SNCAIP: variants seen among roughly 807,000 people sequenced by gnomAD.
SNCAIP encodes the protein synuclein alpha interacting protein.
A neutral mutation model predicts 86.7 loss-of-function variants in SNCAIP; 43 were observed. The ratio of observed to expected loss-of-function variants is 0.50; its 90% CI spans 0.39 to 0.64. The LOEUF is 0.64. SNCAIP is among the 30% of genes least tolerant of loss of function. The probability of loss-of-function intolerance (pLI) is 0.00; values close to 1 mark genes in which losing one functional copy is unlikely to be tolerated. For synonymous variants in SNCAIP, 417 were observed against 427.2 expected, an observed-to-expected ratio of 0.98 and a Z score of 0.29; for missense variants, 981 against 1,103.1, an observed-to-expected ratio of 0.89 and a Z score of 1.57.
chr5:122,313,918 G>A (rs1232936595), intron 1 of SNCAIP, among the ~76,000 whole-genome samples: 1 of 152,212 alleles, frequency 6.6e-6, no homozygotes, highest in East Asian at 1.9e-4. Context: ...ATAAAATATA[G>A]CATGGGATTT....
chr5:122,320,619 T>C (rs1042627932), intron 1 of SNCAIP, among the ~76,000 whole-genome samples: 2 of 152,252 alleles, frequency 1.3e-5, no homozygotes, highest in Non-Finnish European at 2.9e-5. Context: ...CAGCCCTTTC[T>C]TCCCCCAGGA....
intron 6 of SNCAIP, among the ~76,000 whole-genome samples, chr5:122,435,476 G>T (rs976282070): frequency 1.3e-5 from 2 of 152,052 alleles, no homozygotes; most frequent in Non-Finnish European, 2.9e-5. Flanking sequence ...AGTCCAGTGG[G>T]CTCTATGTTA....
chr5:122,320,565 T>C (rs958064923), intron 1 of SNCAIP, among the ~76,000 whole-genome samples: 2 of 152,222 alleles, frequency 1.3e-5, no homozygotes, highest in Non-Finnish European at 2.9e-5. Flanking sequence ...TTCTTCATTC[T>C]TTTCAGCTTA....
chr5:122,329,447 G>A (rs1228328646), intron 1 of SNCAIP, among the ~76,000 whole-genome samples: 1 of 152,096 alleles, frequency 6.6e-6, no homozygotes, highest in Admixed American at 6.5e-5. Flanking sequence ...TTGTTAAATT[G>A]TTCTCAATTT....
intron 7 of SNCAIP, among the ~76,000 whole-genome samples, chr5:122,443,338 G>A (rs1019734812): frequency 3.9e-5 from 6 of 152,184 alleles, no homozygotes; most frequent in Non-Finnish European, 7.4e-5. Context: ...TAATATTGAT[G>A]TAATAACTTT....
At chr5:122,365,100 C>T (rs1762904204) in intron 1 of SNCAIP, among the ~76,000 whole-genome samples, 1 of 152,064 alleles carries the variant, frequency 6.6e-6, no homozygotes, top group African/African-American at 2.4e-5. Flanking sequence ...CTTTGTTGCC[C>T]CCATGCCCCG....
intron 3 of SNCAIP, among the ~76,000 whole-genome samples, chr5:122,406,010 T>C (rs541057708): frequency 6.6e-6 from 1 of 152,316 alleles, no homozygotes; most frequent in African/African-American, 2.4e-5. Context: ...GACTCAGGAC[T>C]CTTAATGGAA....
At chr5:122,422,071 T>G (rs1776497508) in intron 3 of SNCAIP, among the ~76,000 whole-genome samples, 2 of 151,786 alleles carry the variant, frequency 1.3e-5, no homozygotes, top group Non-Finnish European at 2.9e-5. Context: ...TTTCTTCTCC[T>G]GTTTGTTTCC....
At chr5:122,363,939 C>T (rs989340680) in intron 1 of SNCAIP, among the ~76,000 whole-genome samples, 1 of 152,020 alleles carries the variant, frequency 6.6e-6, no homozygotes, top group African/African-American at 2.4e-5. Flanking sequence ...CCTCCTGCCT[C>T]AGCCTCCTAA....
intron 10 of SNCAIP, among the ~76,000 whole-genome samples, chr5:122,460,923 C>A (rs979828204): frequency 1.3e-5 from 2 of 152,174 alleles, no homozygotes; most frequent in Admixed American, 1.3e-4. Flanking sequence ...ATCCTGGAGT[C>A]TCTCATGCAC....
At chr5:122,391,261 A>G in intron 2 of SNCAIP, 70 bp downstream of exon 2, 1 of 1,075,348 alleles carries the variant, frequency 9.3e-7, no homozygotes, top group South Asian at 1.2e-5. Flanking sequence ...TACTTTCTCC[A>G]TTATAGTCTA....
chr5:122,407,265 C>G (rs77083581), intron 3 of SNCAIP, among the ~76,000 whole-genome samples: 1 of 151,998 alleles, frequency 6.6e-6, no homozygotes, highest in South Asian at 2.1e-4. Flanking sequence ...GCTCCAGCCA[C>G]GAGAAAACCA....
chr5:122,386,347 C>G (rs1467658343), intron 1 of SNCAIP, among the ~76,000 whole-genome samples: 1 of 152,122 alleles, frequency 6.6e-6, no homozygotes, highest in Non-Finnish European at 1.5e-5. Flanking sequence ...CAAAAGGAAA[C>G]TTCTATGGAA....
intron 2 of SNCAIP, chr5:122,401,172 G>A (rs1381526146): frequency 1.4e-5 from 21 of 1,524,864 alleles, no homozygotes; most frequent in Non-Finnish European, 1.5e-5. Flanking sequence ...CATCTGTCCT[G>A]TGAACTGGGA....
chr5:122,317,298 G>T (rs778198818), intron 1 of SNCAIP, among the ~76,000 whole-genome samples: 1 of 152,172 alleles, frequency 6.6e-6, no homozygotes, highest in Non-Finnish European at 1.5e-5. Flanking sequence ...ACTTGCTCAA[G>T]TAGGAAAGGG....
intron 1 of SNCAIP, among the ~76,000 whole-genome samples, chr5:122,339,409 T>G (rs1056713777): frequency 2.6e-5 from 4 of 152,236 alleles, no homozygotes; most frequent in Admixed American, 6.5e-5. Flanking sequence ...CAAAACCATC[T>G]TTAGATACAT....
intron 3 of SNCAIP, among the ~76,000 whole-genome samples, chr5:122,410,887 G>A (rs1198052514): frequency 6.6e-6 from 1 of 152,144 alleles, no homozygotes; most frequent in East Asian, 1.9e-4. Context: ...TAAACACATC[G>A]CATCTTTGCC....
At chr5:122,430,597 ATACG>A (rs1195071090) in intron 5 of SNCAIP, among the ~76,000 whole-genome samples, 4 of 152,094 alleles carry the variant, frequency 2.6e-5, no homozygotes, top group African/African-American at 9.7e-5. Flanking sequence ...TCACGAGGAG[ATACG>A]TATCTGGGTT....
At chr5:122,386,892 G>A (rs112407532) in intron 1 of SNCAIP, among the ~76,000 whole-genome samples, 120 of 152,036 alleles carry the variant, frequency 7.9e-4, no homozygotes, top group African/African-American at 2.8e-3. Context: ...GCCAATGCCA[G>A]TAAAAAGAAA....
Sources: gnomAD v4.1 joint callset for allele counts (sites outside exome capture counted in the v4.1 genomes callset) on GRCh38, gnomAD v4.1.1 for gene constraint, MANE v1.5 for transcripts, NCBI Gene and HGNC (gene_info 2026-07-23, HGNC 2026-07-21) for gene names.